Variants in EYS observed in about 807,000 individuals in gnomAD.
EYS encodes the protein protein eyes shut homolog.
A neutral mutation model predicts 282.1 loss-of-function variants in EYS; 250 were observed. That is an observed-to-expected ratio of 0.89 (90% CI 0.80 to 0.98). The LOEUF is 0.98. EYS is among the 50% of genes least tolerant of loss of function. The pLI is 0.00. For synonymous variants in EYS, 1,355 were observed against 1,282.9 expected, an observed-to-expected ratio of 1.06 and a Z score of -1.20; for missense variants, 4,016 against 3,709.0, an observed-to-expected ratio of 1.08 and a Z score of -2.15.
chr6:63,727,066 C>G (rs192981009), intron 41 of EYS, among the ~76,000 whole-genome samples: 20 of 152,224 alleles, frequency 1.3e-4, no homozygotes, highest in South Asian at 6.2e-4. Flanking sequence ...GAGGACAACA[C>G]TTTATAAGTT....
intron 31 of EYS, among the ~76,000 whole-genome samples, chr6:64,162,323 A>C (rs1001561123): frequency 6.6e-6 from 1 of 152,168 alleles, no homozygotes; most frequent in Non-Finnish European, 1.5e-5. Context: ...TCTAAGAACA[A>C]AAAGGCAATA....
intron 35 of EYS, among the ~76,000 whole-genome samples, chr6:63,932,677 T>C (rs1333282969): frequency 6.6e-5 from 10 of 152,158 alleles, no homozygotes; most frequent in Admixed American, 6.5e-4. Context: ...TAAACAAGTG[T>C]TTTTCCATCC....
intron 26 of EYS, among the ~76,000 whole-genome samples, chr6:64,467,705 C>A (rs1775971024): frequency 6.6e-6 from 1 of 152,068 alleles, no homozygotes. Context: ...TACTGGGGAC[C>A]TAGCCATAGG....
intron 15 of EYS, among the ~76,000 whole-genome samples, chr6:64,915,353 T>A (rs1768126408): frequency 6.6e-6 from 1 of 152,082 alleles, no homozygotes; most frequent in Non-Finnish European, 1.5e-5. Flanking sequence ...ATGATCTGAA[T>A]CTCCACATTA....
chr6:64,118,977 A>G (rs753544699), intron 31 of EYS, among the ~76,000 whole-genome samples: 1 of 152,198 alleles, frequency 6.6e-6, no homozygotes, highest in Non-Finnish European at 1.5e-5. Flanking sequence ...GGAAATGCAA[A>G]TTAAAATCAC....
intron 33 of EYS, among the ~76,000 whole-genome samples, chr6:64,007,981 A>G (rs1768430230): frequency 1.3e-5 from 2 of 152,076 alleles, no homozygotes; most frequent in African/African-American, 2.4e-5. Flanking sequence ...GAGTGGAGAT[A>G]TCTGTTAGGT....
chr6:64,457,245 A>C (rs1775584623), intron 26 of EYS, among the ~76,000 whole-genome samples: 1 of 152,018 alleles, frequency 6.6e-6, no homozygotes, highest in Non-Finnish European at 1.5e-5. Context: ...ATATGATTGC[A>C]GTCTTCTTAC....
intron 33 of EYS, among the ~76,000 whole-genome samples, chr6:64,063,189 G>A (rs150733460): frequency 5.9e-5 from 9 of 151,948 alleles, no homozygotes; most frequent in South Asian, 2.1e-4. Context: ...TTCAATTATC[G>A]TCTGCACAGT....
At chr6:64,085,325 TGCGCACGTGC>T (rs1562192608) in intron 31 of EYS, among the ~76,000 whole-genome samples, 23 of 81,948 alleles carry the variant, frequency 2.8e-4, no homozygotes, top group African/African-American at 1.5e-3. Context: ...CGCGCGCGCG[TGCGCACGTGC>T]GCGCGCACAC....
chr6:64,476,474 T>C (rs1474339352), intron 26 of EYS, among the ~76,000 whole-genome samples: 2 of 151,916 alleles, frequency 1.3e-5, no homozygotes, highest in Non-Finnish European at 2.9e-5. Context: ...CCAGAAGATC[T>C]CTGGGTATAT....
At chr6:64,556,531 A>G (rs1046366112) in intron 26 of EYS, among the ~76,000 whole-genome samples, 1 of 152,014 alleles carries the variant, frequency 6.6e-6, no homozygotes, top group Non-Finnish European at 1.5e-5. Flanking sequence ...CAGAAAATGG[A>G]CATATTCTAT....
intron 31 of EYS, among the ~76,000 whole-genome samples, chr6:64,178,679 CAA>C (rs1279119022): frequency 6.6e-6 from 1 of 151,848 alleles, no homozygotes; most frequent in African/African-American, 2.4e-5. Context: ...ACATGACAAA[CAA>C]AGGATTTTTT....
At chr6:65,199,922 A>G (rs927488004) in intron 12 of EYS, among the ~76,000 whole-genome samples, 4 of 152,110 alleles carry the variant, frequency 2.6e-5, no homozygotes, top group Non-Finnish European at 5.9e-5. Flanking sequence ...CATTCTACAG[A>G]GTTTACATTG....
At chr6:64,495,920 T>G (rs185550311) in intron 26 of EYS, among the ~76,000 whole-genome samples, 28 of 152,026 alleles carry the variant, frequency 1.8e-4, no homozygotes, top group Middle Eastern at 3.4e-3. Context: ...AATCATTGTT[T>G]TGAAAACATA....
At chr6:64,180,782 A>G (rs1045370691) in intron 31 of EYS, among the ~76,000 whole-genome samples, 4 of 152,128 alleles carry the variant, frequency 2.6e-5, no homozygotes, top group African/African-American at 9.7e-5. Flanking sequence ...CTTTGTCCTA[A>G]TGGGCTATGT....
At chr6:65,603,986 C>G (rs1554215927) in intron 2 of EYS, among the ~76,000 whole-genome samples, 1 of 151,196 alleles carries the variant, frequency 6.6e-6, no homozygotes, top group Non-Finnish European at 1.5e-5. Context: ...ATTTGAATGA[C>G]TTCTTTTTTC....
chr6:64,547,957 C>T (rs1033134473), intron 26 of EYS, among the ~76,000 whole-genome samples: 2 of 152,202 alleles, frequency 1.3e-5, no homozygotes, highest in Admixed American at 6.5e-5. Context: ...GCCAGCAGGG[C>T]TGGCCGGCAG....
chr6:64,141,650 A>G (rs1329277898), intron 31 of EYS, among the ~76,000 whole-genome samples: 1 of 152,228 alleles, frequency 6.6e-6, no homozygotes, highest in Non-Finnish European at 1.5e-5. Context: ...TTCATAAGAT[A>G]TAATCATATA....
intron 39 of EYS, among the ~76,000 whole-genome samples, chr6:63,784,705 T>A (rs2149668386): frequency 6.6e-6 from 1 of 151,816 alleles, no homozygotes; most frequent in South Asian, 2.1e-4. Context: ...TCCAAACACC[T>A]CCCACTTGGC....
Sources: allele counts gnomAD v4.1 joint callset (sites outside exome capture counted in the v4.1 genomes callset), GRCh38; gene constraint gnomAD v4.1.1; transcripts MANE v1.5; gene names NCBI Gene and HGNC (gene_info 2026-07-23, HGNC 2026-07-21).